ZFP91: variants seen among roughly 807,000 people sequenced by gnomAD.
The protein encoded by ZFP91 is ZFP91 zinc finger protein, atypical E3 ubiquitin ligase, also known as E3 ubiquitin-protein ligase ZFP91.
ZFP91 carries 7 observed loss-of-function variants against 63.5 expected under a neutral mutation model. That is an observed-to-expected ratio of 0.11 (90% CI 0.06 to 0.21). ZFP91 has a LOEUF of 0.21. Ranked by LOEUF, ZFP91 falls within the 10% of genes least tolerant of loss-of-function variation. The pLI, the probability that ZFP91 is intolerant of heterozygous loss-of-function variation, is 1.00. For missense variants in ZFP91, 628 were observed against 736.6 expected, an observed-to-expected ratio of 0.85 and a Z score of 1.71; for synonymous variants, 330 against 272.1, an observed-to-expected ratio of 1.21 and a Z score of -2.10.
intron 2 of ZFP91, among the ~76,000 whole-genome samples, chr11:58,605,516 C>T (rs1855556244): frequency 6.6e-6 from 1 of 151,308 alleles, no homozygotes; most frequent in Non-Finnish European, 1.5e-5. Context: ...ATTTCATCTT[C>T]GTTTTTAAAG....
intron 1 of ZFP91, among the ~76,000 whole-genome samples, chr11:58,583,640 A>G (rs1855155671): frequency 6.6e-6 from 1 of 152,072 alleles, no homozygotes; most frequent in South Asian, 2.1e-4. Context: ...TTGTTATATA[A>G]TTTTTCAAAA....
chr11:58,617,808 T>C lies in ZFP91; in HGVS notation c.*102T>C. 7.1e-7 allele frequency: 1 copy of C among 1,413,000 alleles called. No individual in the cohort carries two copies. Among genetic ancestry groups the C allele is most frequent in the East Asian group, 2.5e-5 (1 of 39,730 alleles). The allele number at this position is 1,413,000 out of a possible 1,614,324, so 87.5% of individuals were successfully genotyped here. A position where few individuals can be genotyped will look rare whatever the true frequency, so the allele number is the denominator to read the frequency against. On this transcript the variant is annotated 3_prime_UTR_variant, in exon 11 of 11. Coordinates refer to ENST00000316059, the MANE Select transcript of ZFP91 (RefSeq NM_053023.5). The surrounding 1 kb of genome is among the most constrained non-coding windows in gnomAD (Gnocchi z 4.2). ...AGCATTTAAAATCTAGTGAAATAAC[T>C]GAAGGGCCTGCTCTTTCCATTGTGG...
At chr11:58,587,018 A>C (rs1855221610) in intron 2 of ZFP91, among the ~76,000 whole-genome samples, 1 of 152,188 alleles carries the variant, frequency 6.6e-6, no homozygotes, top group Non-Finnish European at 1.5e-5. Context: ...TTTGACATAC[A>C]CATAAACAAT....
intron 9 of ZFP91, among the ~76,000 whole-genome samples, chr11:58,614,653 A>G (rs1339874018): frequency 6.6e-6 from 1 of 152,164 alleles, no homozygotes; most frequent in East Asian, 1.9e-4. Context: ...ATTCAACACC[A>G]CTAAATTTGT....
Position 58,610,328 on chromosome 11 carries a change from G to A in ZFP91, c.611G>A (p.Gly204Asp), listed in dbSNP as rs201214137. 5.5e-5 allele frequency: 88 copies of A among 1,587,974 alleles called. No homozygotes were observed. The African/African-American group carries it at 8.1e-4, about 15-fold the overall frequency. ...GGAGAAGAGCATCAGTCTCCAGGTG[G>A]CATTAGGTAAAAAAAACATTAATAT... ...DVGEEHQSPG[G>D]ISSEEEEEEE... The change falls in exon 4 of 11, where the codon GGC (glycine) becomes GAC (aspartate). Residue 204 changes from glycine to aspartate, a missense_variant. Transcript: ENST00000316059.
intron 2 of ZFP91, among the ~76,000 whole-genome samples, chr11:58,608,373 G>A (rs1418108517): frequency 6.6e-6 from 1 of 151,780 alleles, no homozygotes. Flanking sequence ...AACATCATGT[G>A]GAAAGGTATA....
intron 1 of ZFP91, among the ~76,000 whole-genome samples, chr11:58,581,314 C>T (rs1405634546): frequency 6.6e-6 from 1 of 152,024 alleles, no homozygotes; most frequent in East Asian, 1.9e-4. Flanking sequence ...ATTAAATATA[C>T]CTATATCTCA....
chr11:58,579,778 G>T (rs1855070020), intron 1 of ZFP91, among the ~76,000 whole-genome samples, 156 bp downstream of exon 1: 1 of 152,018 alleles, frequency 6.6e-6, no homozygotes, highest in Non-Finnish European at 1.5e-5. Context: ...GGGAGCCTTC[G>T]TGCCTCCTCT....
intron 9 of ZFP91, among the ~76,000 whole-genome samples, chr11:58,614,742 T>C (rs1273687150): frequency 6.6e-6 from 1 of 152,150 alleles, no homozygotes; most frequent in Admixed American, 6.6e-5. Context: ...ACATAGCTAG[T>C]TTTTAGGAGA....
chr11:58,579,676 C>T (rs1286294948), intron 1 of ZFP91, 54 bp downstream of exon 1: 1 of 1,447,338 alleles, frequency 6.9e-7, no homozygotes, highest in Non-Finnish European at 9.1e-7. Context: ...CCGTACGCAA[C>T]CCTCTCGGCT....
In ZFP91 at chr11:58,579,480, G is replaced by A. The variant is rs143372783; in HGVS notation, c.199G>A (p.Ala67Thr). 8.7e-3 allele frequency: 13,085 copies of A among 1,506,646 alleles called. 75 individuals carry two copies. The highest frequency in any genetic ancestry group is 0.015 in the South Asian group (1,209 of 80,812). 93.3% of individuals were successfully genotyped at this position (1,506,646 alleles called of 1,614,324 possible). The change falls in exon 1 of 11, where the codon GCT becomes ACT. Residue 67 changes from alanine to threonine, a missense_variant. Coordinates refer to ENST00000316059, the MANE Select transcript of ZFP91 (RefSeq NM_053023.5). ...GRAAAAAAAAAVSRRRKAEYP... is the reference protein window; with the variant it reads ...GRAAAAAAAATVSRRRKAEYP... ...GGCCGCTGCGGCCGCCGCCGCCGCA[G>A]CTGTGTCCCGCCGGAGGAAGGCCGA...
At chr11:58,613,505 C>T (rs1382247518) in intron 8 of ZFP91, among the ~76,000 whole-genome samples, 1 of 152,150 alleles carries the variant, frequency 6.6e-6, no homozygotes. Context: ...GACTAAGAAT[C>T]TGAACCCACA....
intron 2 of ZFP91, among the ~76,000 whole-genome samples, chr11:58,602,787 G>A (rs1855511517): frequency 1.3e-5 from 2 of 152,204 alleles, no homozygotes; most frequent in African/African-American, 4.8e-5. Context: ...ACCTAAAAAT[G>A]TTGGCATAGC....
intron 2 of ZFP91, among the ~76,000 whole-genome samples, chr11:58,603,812 C>T (rs1328316707): frequency 6.6e-6 from 1 of 152,150 alleles, no homozygotes; most frequent in Non-Finnish European, 1.5e-5. Flanking sequence ...TTCCCCCCTT[C>T]TATTTTCTTC....
In ZFP91 at chr11:58,611,033, C is replaced by G; in HGVS notation, c.701C>G (p.Thr234Ser). 1 of 1,613,010 alleles carries G rather than the reference C, an allele frequency of 6.2e-7. No homozygotes were observed. The highest frequency in any genetic ancestry group is 8.5e-7 in the Non-Finnish European group (1 of 1,179,516). Reference sequence around the variant, plus strand: ...TTCAAAGATGATCCAAGAGATGAGACCTACAAACCCCACTTAGAAAGGCAT... The same window carrying G: ...TTCAAAGATGATCCAAGAGATGAGAGCTACAAACCCCACTTAGAAAGGCAT... ...IPFKDDPRDE[T>S]YKPHLERETP... Residue 234 changes from threonine (T) to serine (S), a missense_variant, in exon 5 of 11, where the codon ACC becomes AGC. Physicochemically the swap from Thr to Ser is moderately conservative, Grantham distance 58. Coordinates refer to ENST00000316059, the MANE Select transcript of ZFP91 (RefSeq NM_053023.5).
intron 2 of ZFP91, among the ~76,000 whole-genome samples, chr11:58,603,906 C>G (rs1006420763): frequency 2.6e-5 from 4 of 152,146 alleles, no homozygotes; most frequent in African/African-American, 9.7e-5. Flanking sequence ...GAATTTTGCT[C>G]TAGAGTGGAC....
chr11:58,616,690 C>T, intron 9 of ZFP91, 26 bp from the exon 10 acceptor site: 5 of 1,594,830 alleles, frequency 3.1e-6, no homozygotes, highest in South Asian at 2.2e-5. Flanking sequence ...CTAAATAGAA[C>T]ACTAACCACA....
chr11:58,609,838 G>A lies in ZFP91; in HGVS notation c.379G>A (p.Glu127Lys). 6.2e-7 allele frequency: 1 copy of A among 1,614,016 alleles called. No individual in the cohort carries two copies. The highest frequency in any genetic ancestry group is 1.6e-4 in the Middle Eastern group (1 of 6,062). The change falls in exon 3 of 11, where the codon GAA (glutamate) becomes AAA (lysine). Residue 127 changes from glutamate (E) to lysine (K), a missense_variant. Glu to Lys is a moderately conservative substitution (Grantham distance 56). Around this residue, in one of 3 missense-constraint regions of ZFP91, gnomAD observed 437 missense variants for 380.3 expected, o/e 1.15. Transcript: ENST00000316059. ...EKVTTDKDPK[E>K]EKEEEDDSAL... Reference sequence around the variant, plus strand: ...TATGTCTTTTTATTTAGATCCCAAGGAAGAAAAAGAGGAAGAAGACGATTC... The same window carrying A: ...TATGTCTTTTTATTTAGATCCCAAGAAAGAAAAAGAGGAAGAAGACGATTC...
At chr11:58,601,085 TTGTC>T (rs1218290289) in intron 2 of ZFP91, among the ~76,000 whole-genome samples, 4 of 152,216 alleles carry the variant, frequency 2.6e-5, no homozygotes, top group African/African-American at 4.8e-5. Flanking sequence ...TGTGGTGTCT[TTGTC>T]TGGCTTTGGT....
Sources: allele counts gnomAD v4.1 joint callset (sites outside exome capture counted in the v4.1 genomes callset), GRCh38; gene constraint gnomAD v4.1.1; regional missense constraint gnomAD v4.1.1; non-coding constraint Gnocchi (gnomAD v3.1); transcripts MANE v1.5; gene names NCBI Gene and HGNC (gene_info 2026-07-23, HGNC 2026-07-21).